TAOK1: variants seen among roughly 807,000 people sequenced by gnomAD.
TAOK1 encodes serine/threonine-protein kinase TAO1.
TAOK1 carries 21 observed loss-of-function variants against 138.3 expected under a neutral mutation model. The ratio of observed to expected loss-of-function variants is 0.15; its 90% CI spans 0.11 to 0.22. The LOEUF (loss-of-function observed/expected upper bound fraction) is 0.22. Ranked by LOEUF, TAOK1 falls within the 10% of genes least tolerant of loss-of-function variation. The pLI, the probability that TAOK1 is intolerant of heterozygous loss-of-function variation, is 1.00. For synonymous variants in TAOK1, 361 were observed against 398.4 expected (o/e 0.91, Z 1.12); for missense variants, 651 against 1,227.7 (o/e 0.53, Z 7.02).
chr17:29,453,245 C>T (rs958353532), intron 2 of TAOK1, among the ~76,000 whole-genome samples: 3 of 150,866 alleles, frequency 2.0e-5, no homozygotes, highest in Admixed American at 6.6e-5. Context: ...CTGCAAGCTC[C>T]GCCTCCCGGG....
chr17:29,489,947 C>A (rs193076480), intron 9 of TAOK1, among the ~76,000 whole-genome samples, 190 bp downstream of exon 9: 2 of 152,084 alleles, frequency 1.3e-5, no homozygotes, highest in Admixed American at 6.6e-5. Flanking sequence ...ATACGTATAA[C>A]TGAGTTCAGA....
rs552313180 is a variant in TAOK1 at position 29,420,980 on chromosome 17, A to C, written c.-95+29956A>C. On this transcript the variant is annotated intron_variant, in intron 1 of 19. Coordinates refer to ENST00000261716, the MANE Select transcript of TAOK1 (RefSeq NM_020791.4). ...TGTCTCGCTCTGTCATCTAGGCTGG[A>C]GTGCAGTGGCTCAGTCTCAGCTCAT... 8.2e-4 allele frequency among the ~76,000 whole-genome samples: 125 copies of C among 152,150 alleles called. 3 individuals carry two copies. Among genetic ancestry groups the C allele is most frequent in the Admixed American group, 7.1e-3 (109 of 15,272 alleles).
At chr17:29,395,168 CAGA>C (rs1332098199) in intron 1 of TAOK1, among the ~76,000 whole-genome samples, 4 of 152,180 alleles carry the variant, frequency 2.6e-5, no homozygotes, top group African/African-American at 9.6e-5. Flanking sequence ...TGCTTGAGCC[CAGA>C]AGATGGAGGC....
At chr17:29,400,090 T>C (rs1002835123) in intron 1 of TAOK1, among the ~76,000 whole-genome samples, 1 of 152,112 alleles carries the variant, frequency 6.6e-6, no homozygotes, top group East Asian at 1.9e-4. Context: ...ATATAAAGCC[T>C]GTCTTAAGAA....
At chr17:29,479,377 T>A (rs1357557961) in intron 6 of TAOK1, among the ~76,000 whole-genome samples, 1 of 152,190 alleles carries the variant, frequency 6.6e-6, no homozygotes, top group African/African-American at 2.4e-5. Flanking sequence ...GTTAATAGGT[T>A]ATCATTTTTT....
intron 13 of TAOK1, 33 bp from the exon 14 acceptor site, chr17:29,507,863 T>A: frequency 3.2e-6 from 5 of 1,581,622 alleles, no homozygotes; most frequent in Non-Finnish European, 3.4e-6. Flanking sequence ...ATGTTTTATT[T>A]TCTTCTTTTC....
chr17:29,446,290 A>G (rs2030075650), intron 1 of TAOK1, among the ~76,000 whole-genome samples: 1 of 150,574 alleles, frequency 6.6e-6, no homozygotes, highest in African/African-American at 2.4e-5. Flanking sequence ...TCTATTTAGT[A>G]TTTCCTTCCT....
intron 1 of TAOK1, among the ~76,000 whole-genome samples, chr17:29,445,719 TTGA>T (rs2030059871): frequency 6.6e-6 from 1 of 152,326 alleles, no homozygotes; most frequent in South Asian, 2.1e-4. Context: ...GCTAATTTTG[TTGA>T]TGATATTTTT....
At chr17:29,481,144 G>A (rs963612010) in intron 7 of TAOK1, among the ~76,000 whole-genome samples, 29 of 151,520 alleles carry the variant, frequency 1.9e-4, no homozygotes, top group Admixed American at 3.3e-4. Flanking sequence ...GGAAAACAAC[G>A]GACAATACTT....
intron 1 of TAOK1, among the ~76,000 whole-genome samples, chr17:29,394,230 A>G (rs1904522377): frequency 8.2e-6 from 1 of 122,434 alleles, no homozygotes. Flanking sequence ...CAGTGGCACG[A>G]TCTCGGCTCA....
rs1448548058 is a variant in TAOK1 at position 29,390,682 on chromosome 17, C to G, written c.-437C>G. ...CCGCGGCGGGGGACCGAGAGGGCCT[C>G]GGCTGTGTGAGGACTAGAGGCGGCC... On this transcript the variant is annotated 5_prime_UTR_variant, in exon 1 of 20. Coordinates refer to ENST00000261716, the MANE Select transcript of TAOK1 (RefSeq NM_020791.4). 6.6e-6 allele frequency: 1 copy of G among 151,724 alleles called. No individual in the cohort carries two copies. Among genetic ancestry groups the G allele is most frequent in the Non-Finnish European group, 1.5e-5 (1 of 68,066 alleles). 9.4% of individuals were successfully genotyped at this position (151,724 alleles called of 1,614,324 possible).
At chr17:29,522,218 G>T (rs2150767460) in intron 16 of TAOK1, 62 bp from the exon 17 acceptor site, 1 of 1,574,116 alleles carries the variant, frequency 6.4e-7, no homozygotes, top group Admixed American at 1.8e-5. Flanking sequence ...CTGTTAATTA[G>T]GACTTTTTTC....
intron 2 of TAOK1, among the ~76,000 whole-genome samples, chr17:29,460,458 G>C (rs971333786): frequency 9.9e-5 from 15 of 152,132 alleles, no homozygotes; most frequent in African/African-American, 3.6e-4. Flanking sequence ...CCAAAGTTCT[G>C]GGATTACAGG....
chr17:29,490,943 T>G (rs1453101180), intron 9 of TAOK1, among the ~76,000 whole-genome samples: 1 of 152,164 alleles, frequency 6.6e-6, no homozygotes, highest in African/African-American at 2.4e-5. Context: ...ATTAATCCAT[T>G]CATGACCTGA....
chr17:29,542,374 C>T (rs564185731), intron 19 of TAOK1, among the ~76,000 whole-genome samples, 187 bp from the exon 20 acceptor site: 1 of 152,044 alleles, frequency 6.6e-6, no homozygotes, highest in Non-Finnish European at 1.5e-5. Flanking sequence ...AGTTGTACCC[C>T]CGAATATATA....
intron 2 of TAOK1, among the ~76,000 whole-genome samples, chr17:29,453,989 T>C (rs1195768134): frequency 2.0e-5 from 3 of 151,594 alleles, no homozygotes; most frequent in Non-Finnish European, 4.4e-5. Flanking sequence ...TTTTGCTTTT[T>C]TTTTTTTTTG....
rs981126792 is a variant in TAOK1, at chr17:29,405,464, T to C, written c.-95+14440T>C. Among the ~76,000 whole-genome samples, 4 of 152,196 alleles carry C rather than the reference T, an allele frequency of 2.6e-5. No individual in the cohort carries two copies. In the East Asian group the frequency reaches 7.7e-4, roughly 29 times the overall value. Reference sequence around the variant, plus strand: ...GAAAACACCAAGTCAAGATAGTGATTGATGGAATTTGCTTTTAAAGACCAC... The same window carrying C: ...GAAAACACCAAGTCAAGATAGTGATCGATGGAATTTGCTTTTAAAGACCAC... On this transcript the variant is annotated intron_variant, in intron 1 of 19. Coordinates refer to ENST00000261716, the MANE Select transcript of TAOK1 (RefSeq NM_020791.4).
intron 19 of TAOK1, among the ~76,000 whole-genome samples, chr17:29,534,580 C>T (rs889843097): frequency 6.6e-6 from 1 of 152,158 alleles, no homozygotes; most frequent in Non-Finnish European, 1.5e-5. Flanking sequence ...TTGAGAGTAG[C>T]AGATATGGCT....
At position 29,547,568 on chromosome 17, in the gene TAOK1, A is replaced by G. The variant is rs1451079919; in HGVS notation, c.*4546A>G. Reference sequence around the variant, plus strand: ...TTCAAATCAAAAAATAATATATTTAAGGTATATAAGTGTGAATCTCCTATA... The same window carrying G: ...TTCAAATCAAAAAATAATATATTTAGGGTATATAAGTGTGAATCTCCTATA... On this transcript the variant is annotated 3_prime_UTR_variant, in exon 20 of 20. Transcript: ENST00000261716. 6.6e-6 allele frequency: 1 copy of G among 152,130 alleles called. No individual in the cohort carries two copies. Among genetic ancestry groups the G allele is most frequent in the Non-Finnish European group, 1.5e-5 (1 of 67,982 alleles). 9.4% of individuals were successfully genotyped at this position (152,130 alleles called of 1,614,324 possible). A position where few individuals can be genotyped will look rare whatever the true frequency, so the allele number is the denominator to read the frequency against.
Sources: gnomAD v4.1 joint callset for allele counts (sites outside exome capture counted in the v4.1 genomes callset) on GRCh38, gnomAD v4.1.1 for gene constraint, MANE v1.5 for transcripts, NCBI Gene and HGNC (gene_info 2026-07-23, HGNC 2026-07-21) for gene names.